ATP5MF: variants seen among roughly 807,000 people sequenced by gnomAD.
ATP5MF encodes the protein ATP synthase membrane subunit f.
ATP5MF carries 10 observed loss-of-function variants against 13.8 expected under a neutral mutation model. The ratio of observed to expected loss-of-function variants is 0.72; its 90% CI spans 0.45 to 1.23. The LOEUF is 1.23. ATP5MF is among the 50% of genes most tolerant of loss of function. The pLI, the probability that ATP5MF is intolerant of heterozygous loss-of-function variation, is 0.00. For synonymous variants in ATP5MF, 40 were observed against 45.8 expected (o/e 0.87, Z 0.51); for missense variants, 122 against 118.2 (o/e 1.03, Z -0.15).
intron 1 of ATP5MF, 92 bp downstream of exon 1, chr7:99,466,019 G>A (rs1263864149): frequency 4.4e-5 from 71 of 1,596,952 alleles, no homozygotes; most frequent in Non-Finnish European, 5.7e-5. Context: ...TGAGCAAAGG[G>A]CAGGCAGCTC....
At chr7:99,465,535 G>A in intron 1 of ATP5MF, among the ~76,000 whole-genome samples, 1 of 152,200 alleles carries the variant, frequency 6.6e-6, no homozygotes, top group East Asian at 1.9e-4. Flanking sequence ...GGGTGTCTCG[G>A]AAAAGCCTGC....
intron 1 of ATP5MF, 47 bp downstream of exon 1, chr7:99,466,057 TCTGGACC>T: frequency 6.2e-7 from 1 of 1,613,700 alleles, no homozygotes; most frequent in Non-Finnish European, 8.5e-7. Flanking sequence ...CCAGTGTGGC[TCTGGACC>T]CTGGACCCTG....
intron 1 of ATP5MF, among the ~76,000 whole-genome samples, chr7:99,464,138 C>T (rs1227361685): frequency 6.6e-6 from 1 of 152,226 alleles, no homozygotes; most frequent in African/African-American, 2.4e-5. Flanking sequence ...GTGGGCCACG[C>T]AGCGTTCCAA....
At chr7:99,465,654 T>C (rs1798838321) in intron 1 of ATP5MF, among the ~76,000 whole-genome samples, 1 of 152,158 alleles carries the variant, frequency 6.6e-6, no homozygotes, top group South Asian at 2.1e-4. Context: ...TCACCTCGCC[T>C]CTCTGATTCA....
intron 1 of ATP5MF, among the ~76,000 whole-genome samples, chr7:99,461,046 G>C (rs116583732): frequency 0.011 from 1,628 of 152,286 alleles, 17 homozygotes; most frequent in African/African-American, 0.037. Flanking sequence ...TGAGAACAAG[G>C]AATCAGAAGG....
At chr7:99,464,695 T>C (rs1798772455) in intron 1 of ATP5MF, among the ~76,000 whole-genome samples, 1 of 151,400 alleles carries the variant, frequency 6.6e-6, no homozygotes, top group Non-Finnish European at 1.5e-5. Context: ...GCGCAGTGGC[T>C]CACGCTGGTA....
intron 3 of ATP5MF, among the ~76,000 whole-genome samples, chr7:99,458,599 A>C (rs1292881889): frequency 6.6e-6 from 1 of 152,144 alleles, no homozygotes; most frequent in Non-Finnish European, 1.5e-5. Context: ...ACACACGCTC[A>C]GACAAACAGC....
At chr7:99,460,236 C>T in intron 1 of ATP5MF, 43 bp from the exon 2 acceptor site, 1 of 1,606,540 alleles carries the variant, frequency 6.2e-7, no homozygotes, top group Non-Finnish European at 8.5e-7. Flanking sequence ...GAATAATCTC[C>T]CAGTAACACA....
intron 1 of ATP5MF, among the ~76,000 whole-genome samples, chr7:99,464,069 G>C (rs1162888884): frequency 6.6e-6 from 1 of 152,188 alleles, no homozygotes; most frequent in Admixed American, 6.5e-5. Flanking sequence ...ACATGACCCT[G>C]CCTAAAGGTC....
intron 2 of ATP5MF, chr7:99,459,571 A>AGTGGTGT: frequency 6.4e-6 from 2 of 312,072 alleles, no homozygotes; most frequent in Admixed American, 9.4e-5. Context: ...CACCACAGCC[A>AGTGGTGT]GCTAATTTTT....
chr7:99,462,678 G>C (rs1477538884), intron 1 of ATP5MF, among the ~76,000 whole-genome samples: 2 of 152,214 alleles, frequency 1.3e-5, no homozygotes, highest in African/African-American at 4.8e-5. Context: ...GGGAGGCTGA[G>C]ACAGGAGAAT....
At chr7:99,460,967 C>T (rs1312749912) in intron 1 of ATP5MF, among the ~76,000 whole-genome samples, 1 of 152,110 alleles carries the variant, frequency 6.6e-6, no homozygotes, top group Non-Finnish European at 1.5e-5. Flanking sequence ...TAACACATTC[C>T]GAGAAGTCAA....
chr7:99,463,000 G>A (rs970929410), intron 1 of ATP5MF, among the ~76,000 whole-genome samples: 2 of 152,234 alleles, frequency 1.3e-5, no homozygotes, highest in African/African-American at 4.8e-5. Context: ...GTAGGTGTGT[G>A]CCCTTGGGCA....
intron 2 of ATP5MF, 87 bp downstream of exon 2, chr7:99,459,999 T>G: frequency 6.8e-7 from 1 of 1,467,522 alleles, no homozygotes; most frequent in Non-Finnish European, 9.2e-7. Context: ...CAACAAGGCC[T>G]TCATTGCCCA....
intron 1 of ATP5MF, among the ~76,000 whole-genome samples, chr7:99,465,647 C>A (rs1798837165): frequency 6.6e-6 from 1 of 152,180 alleles, no homozygotes; most frequent in South Asian, 2.1e-4. Flanking sequence ...GAACAGGTCA[C>A]CTCGCCTCTC....
intron 1 of ATP5MF, among the ~76,000 whole-genome samples, chr7:99,465,850 G>T (rs1364075489): frequency 1.3e-5 from 2 of 152,222 alleles, no homozygotes; most frequent in Non-Finnish European, 2.9e-5. Context: ...AGGAACAGTG[G>T]CCCAAGGCGG....
chr7:99,463,597 G>A (rs1584534730), intron 1 of ATP5MF, among the ~76,000 whole-genome samples: 1 of 152,100 alleles, frequency 6.6e-6, no homozygotes, highest in African/African-American at 2.4e-5. Flanking sequence ...CCAAAATGGC[G>A]AAACCCCATC....
rs751342686 is a variant in ATP5MF at position 99,466,146 on chromosome 7, G to C, written c.-5C>G. ...ACACTCACCAACTGACGCCATTTTGGAGTCCTGGTGTCCGCTGTGCCGGAC... is the reference window on the plus strand; with the variant it reads ...ACACTCACCAACTGACGCCATTTTGCAGTCCTGGTGTCCGCTGTGCCGGAC... On this transcript the variant is annotated 5_prime_UTR_variant, in exon 1 of 4. Transcript: ENST00000292475. The C allele has an allele frequency of 1.9e-6, 3 of 1,614,186 alleles. No individual in the cohort carries two copies. The highest frequency in any genetic ancestry group is 3.3e-5 in the Admixed American group (2 of 60,026).
chr7:99,464,173 T>A (rs1426563807), intron 1 of ATP5MF, among the ~76,000 whole-genome samples: 1 of 152,228 alleles, frequency 6.6e-6, no homozygotes, highest in African/African-American at 2.4e-5. Flanking sequence ...CTAAATCGAT[T>A]GATCCTTAGT....
Sources: allele counts gnomAD v4.1 joint callset (sites outside exome capture counted in the v4.1 genomes callset), GRCh38; gene constraint gnomAD v4.1.1; transcripts MANE v1.5; gene names NCBI Gene and HGNC (gene_info 2026-07-23, HGNC 2026-07-21).